The following AGL variants were observed in gnomAD, a reference collection of about 807,000 sequenced individuals.
AGL encodes amylo-alpha-1,6-glucosidase and 4-alpha-glucanotransferase.
A neutral mutation model predicts 199.3 loss-of-function variants in AGL; 128 were observed. The observed-to-expected ratio is 0.64, with a 90% CI of 0.56 to 0.74. The LOEUF (loss-of-function observed/expected upper bound fraction) is 0.74. Among genes scored for constraint, AGL ranks in the 30% least tolerant of loss-of-function variants. The probability of loss-of-function intolerance (pLI) is 0.00; values close to 1 mark genes in which losing one functional copy is unlikely to be tolerated. For missense variants in AGL, 1,809 were observed against 1,820.8 expected (o/e 0.99, Z 0.12); for synonymous variants, 584 against 594.7 (o/e 0.98, Z 0.26).
At chr1:99,863,521 C>T (rs574277692) in intron 4 of AGL, among the ~76,000 whole-genome samples, 15 of 152,164 alleles carry the variant, frequency 9.9e-5, no homozygotes, top group Non-Finnish European at 1.5e-4. Flanking sequence ...GGCGCAATCT[C>T]GGCTCACTGC....
In AGL at chr1:99,884,391, A is replaced by G. The variant is rs199554089; in HGVS notation, c.2486A>G (p.Asn829Ser). ...GCTGGAGTTGCCACAAAAGGGCCCA[A>G]TGAATATATTCAAGAAATAGAATTT... is the stretch of plus-strand genomic sequence containing the variant. Reference protein sequence around the residue: ...KQAGVATKGPNEYIQEIEFEN... With the variant: ...KQAGVATKGPSEYIQEIEFEN... Residue 829 changes from asparagine to serine, a missense_variant, in exon 19 of 34, where the codon AAT becomes AGT. Asn to Ser is a conservative substitution (Grantham distance 46). Coordinates refer to ENST00000361915, the MANE Select transcript of AGL (RefSeq NM_000642.3). 145 of 1,613,524 alleles carry G rather than the reference A, an allele frequency of 9.0e-5. No homozygotes were observed. The highest frequency in any genetic ancestry group is 1.1e-4 in the Non-Finnish European group (133 of 1,179,766).
chr1:99,900,391 A>G (rs1031770113), intron 25 of AGL, among the ~76,000 whole-genome samples: 2 of 152,202 alleles, frequency 1.3e-5, no homozygotes, highest in Non-Finnish European at 2.9e-5. Flanking sequence ...TCTCAAATGA[A>G]AAAACTGTAT....
Position 99,870,416 on chromosome 1 carries a change from G to A in AGL, c.681G>A (p.Trp227Ter), listed in dbSNP as rs753914653. Reference sequence around the variant, plus strand: ...TTCCTTCAGCTGCTAATAGTAAATGGATCCAGGAACATCCAGAATGTGCCT... The same window carrying A: ...TTCCTTCAGCTGCTAATAGTAAATGAATCCAGGAACATCCAGAATGTGCCT... ...VYNHTAANSK[W>*]IQEHPECAYN... is the part of the protein sequence containing the mutation. The change falls in exon 6 of 34, where the codon TGG becomes TGA. Residue 227 changes from tryptophan to a stop codon, truncating the protein, a stop_gained. Coordinates refer to ENST00000361915, the MANE Select transcript of AGL (RefSeq NM_000642.3). LOFTEE classifies it high-confidence loss of function. The A allele has an allele frequency of 6.2e-7, 1 of 1,613,934 alleles. No homozygotes were observed. The highest frequency in any genetic ancestry group is 8.5e-7 in the Non-Finnish European group (1 of 1,179,922).
At position 99,888,047 on chromosome 1, in the gene AGL, A is replaced by T; in HGVS notation, c.2751A>T (p.Glu917Asp). Reference protein sequence around the residue: ...ILYRCESEEKEDGGGCYDIPN... With the variant: ...ILYRCESEEKDDGGGCYDIPN... ...ACCGATGTGAATCAGAAGAAAAGGA[A>T]GATGGTGGAGGGTGCTATGACATAC... is the stretch of plus-strand genomic sequence containing the variant. Residue 917 changes from glutamate to aspartate, a missense_variant, in exon 21 of 34, where the codon GAA (glutamate) becomes GAT (aspartate). By Grantham distance (45) the Glu-to-Asp change is conservative. Coordinates refer to ENST00000361915, the MANE Select transcript of AGL (RefSeq NM_000642.3). 6.2e-7 allele frequency: 1 copy of T among 1,613,590 alleles called. No individual in the cohort carries two copies. The highest frequency in any genetic ancestry group is 8.5e-7 in the Non-Finnish European group (1 of 1,179,688).
At chr1:99,857,847 A>AGGGAGACCGTGGGGGGGGGGGGGGGGG (rs1649685231) in intron 2 of AGL, among the ~76,000 whole-genome samples, 1 of 8,226 alleles carries the variant, frequency 1.2e-4, no homozygotes, top group Non-Finnish European at 2.4e-4. Context: ...GGGGAGGGGG[A>AGGGAGACCGTGGGGGGGGGGGGGGGGG]GGGGGGAAGA....
Position 99,879,912 on chromosome 1 carries a change from G to A in AGL, c.1612-11G>A. The A allele has an allele frequency of 6.2e-7, 1 of 1,601,994 alleles. No individual in the cohort carries two copies. Among genetic ancestry groups the A allele is most frequent in the Non-Finnish European group, 8.6e-7 (1 of 1,169,408 alleles). On this transcript the variant is annotated splice_polypyrimidine_tract_variant and intron_variant, in intron 12 of 33. Coordinates refer to ENST00000361915, the MANE Select transcript of AGL (RefSeq NM_000642.3). ...ATTTATTTGTTACATTTGTCACTGT[G>A]CTTTTTACAGTACATGTTGGATGCT...
intron 24 of AGL, 27 bp downstream of exon 24, chr1:99,892,634 TA>T: frequency 6.2e-7 from 1 of 1,603,682 alleles, no homozygotes; most frequent in Non-Finnish European, 8.5e-7. Flanking sequence ...AAGGTTAAAA[TA>T]TGTAAATCGA....
In AGL at chr1:99,884,328, T is replaced by G. The variant is rs759744414; in HGVS notation, c.2434-11T>G. Reference sequence around the variant, plus strand: ...TGTTGAATGGATTTTTTTAATGTACTTTTTTTCAAGCTTAATGAAAGTAAA... The same window carrying G: ...TGTTGAATGGATTTTTTTAATGTACGTTTTTTCAAGCTTAATGAAAGTAAA... On this transcript the variant is annotated splice_polypyrimidine_tract_variant and intron_variant, in intron 18 of 33. Transcript: ENST00000361915. 1.8e-5 allele frequency: 29 copies of G among 1,612,324 alleles called. No individual in the cohort carries two copies. The East Asian group carries it at 6.3e-4, about 35-fold the overall frequency.
At chr1:99,874,337 A>G (rs1463123059) in intron 7 of AGL, 4 of 152,866 alleles carry the variant, frequency 2.6e-5, no homozygotes, top group African/African-American at 9.7e-5. Flanking sequence ...AAAGTATAAT[A>G]AAATATATAT....
chr1:99,876,895 T>C (rs1651591369), intron 11 of AGL, among the ~76,000 whole-genome samples: 1 of 152,234 alleles, frequency 6.6e-6, no homozygotes, highest in African/African-American at 2.4e-5. Flanking sequence ...CAAAATATTA[T>C]TGCATTTTTA....
chr1:99,888,365 G>A (rs1652622422), intron 21 of AGL, among the ~76,000 whole-genome samples: 1 of 152,104 alleles, frequency 6.6e-6, no homozygotes, highest in South Asian at 2.1e-4. Context: ...ATAAAACACT[G>A]AAAACAGGAT....
intron 25 of AGL, among the ~76,000 whole-genome samples, chr1:99,899,473 A>T (rs1234476646): frequency 6.6e-6 from 1 of 151,806 alleles, no homozygotes; most frequent in Non-Finnish European, 1.5e-5. Context: ...TGGTTGAATT[A>T]TGTTTTTCAA....
intron 20 of AGL, among the ~76,000 whole-genome samples, chr1:99,887,176 A>G (rs1282159511): frequency 1.3e-5 from 2 of 152,214 alleles, no homozygotes; most frequent in Non-Finnish European, 2.9e-5. Context: ...TACACATTCA[A>G]GAGGATATGT....
At chr1:99,858,205 G>A (rs981881310) in intron 2 of AGL, among the ~76,000 whole-genome samples, 6 of 152,132 alleles carry the variant, frequency 3.9e-5, no homozygotes, top group Admixed American at 2.6e-4. Flanking sequence ...AGGAGTGATC[G>A]AACTTAAAAG....
Position 99,879,735 on chromosome 1 carries a change from TCTTC to T in AGL, c.1612-184_1612-181del, listed in dbSNP as rs933224279. On this transcript the variant is annotated intron_variant, in intron 12 of 33. Coordinates refer to ENST00000361915, the MANE Select transcript of AGL (RefSeq NM_000642.3). ...GTCTCAATATCTTTGCAAAATCTAATCTTCCTTTTTAACCGTTTTCTTCTCTTGA... is the reference window on the plus strand; with the variant it reads ...GTCTCAATATCTTTGCAAAATCTAATCTTTTTAACCGTTTTCTTCTCTTGA... 2.8e-4 allele frequency among the ~76,000 whole-genome samples: 43 copies of T among 152,360 alleles called. 1 individual carries two copies. Among genetic ancestry groups the T allele is most frequent in the Middle Eastern group, 6.8e-3 (2 of 294 alleles).
At chr1:99,921,062 T>C (rs1307401691) in intron 33 of AGL, among the ~76,000 whole-genome samples, 1 of 152,186 alleles carries the variant, frequency 6.6e-6, no homozygotes, top group Non-Finnish European at 1.5e-5. Context: ...TATTATTCAG[T>C]AGAAAGAGAA....
rs998582689 is a variant in AGL, at chr1:99,897,465, C to G, written c.3362+1077C>G. Among the ~76,000 whole-genome samples the G allele has an allele frequency of 3.3e-5, 5 of 152,202 alleles. No homozygotes were observed. The East Asian group carries it at 7.7e-4, about 23-fold the overall frequency. ...TGTTTTGATGCCATCAGGAAAATAACTGAAGTTTGCATCTTTACATGCCAA... is the reference window on the plus strand; with the variant it reads ...TGTTTTGATGCCATCAGGAAAATAAGTGAAGTTTGCATCTTTACATGCCAA... On this transcript the variant is annotated intron_variant, in intron 25 of 33. Transcript: ENST00000361915.
At chr1:99,866,375 T>C (rs1221868012) in intron 5 of AGL, among the ~76,000 whole-genome samples, 1 of 152,220 alleles carries the variant, frequency 6.6e-6, no homozygotes, top group African/African-American at 2.4e-5. Flanking sequence ...GTTTCTCTCA[T>C]GTTGCTCTGC....
intron 26 of AGL, 46 bp downstream of exon 26, chr1:99,900,907 T>C: frequency 7.8e-7 from 1 of 1,280,566 alleles, no homozygotes; most frequent in Non-Finnish European, 1.1e-6. Flanking sequence ...TTTTTTTTTC[T>C]GAAAAATGAC....
Sources: gnomAD v4.1 joint callset for allele counts (sites outside exome capture counted in the v4.1 genomes callset) on GRCh38, gnomAD v4.1.1 for gene constraint, MANE v1.5 for transcripts, NCBI Gene and HGNC (gene_info 2026-07-23, HGNC 2026-07-21) for gene names.